The following RNF144A variants were observed in gnomAD, a reference collection of about 807,000 sequenced individuals.
RNF144A encodes the protein E3 ubiquitin-protein ligase RNF144A.
In RNF144A, 11 loss-of-function variants were observed where a neutral mutation model predicts 38.7. The ratio of observed to expected loss-of-function variants is 0.28; its 90% confidence interval spans 0.18 to 0.47. RNF144A has a LOEUF of 0.47. Among genes scored for constraint, RNF144A ranks in the 20% least tolerant of loss-of-function variants. The probability of loss-of-function intolerance (pLI) is 0.99; values close to 1 mark genes in which losing one functional copy is unlikely to be tolerated. For missense variants in RNF144A, 316 were observed against 377.2 expected, an observed-to-expected ratio of 0.84 and a Z score of 1.34; for synonymous variants, 149 against 143.9, an observed-to-expected ratio of 1.04 and a Z score of -0.25.
rs1671723480 is a variant in RNF144A at position 7,024,243 on chromosome 2, G to GT, written c.510-120dup. On this transcript the variant is annotated intron_variant, in intron 6 of 8. Coordinates refer to ENST00000320892, the MANE Select transcript of RNF144A (RefSeq NM_014746.6). The stretch of plus-strand genomic sequence containing the variant: ...TTCTTTGTTTTTTGGTTTTTGTTTT[G>GT]TTTTTTCATTTAATACCAAGAAAAC... 4.7e-6 allele frequency: 4 copies of GT among 849,408 alleles called. No homozygotes were observed. In the East Asian group the frequency reaches 8.8e-5, roughly 19 times the overall value. 52.6% of individuals were successfully genotyped at this position (849,408 alleles called of 1,614,324 possible).
At chr2:6,977,017 C>G (rs1224132670) in intron 2 of RNF144A, among the ~76,000 whole-genome samples, 2 of 152,006 alleles carry the variant, frequency 1.3e-5, no homozygotes, top group Non-Finnish European at 2.9e-5. Context: ...GATGAAATTC[C>G]CAGAAATTGG....
chr2:7,072,826 C>T (rs1392848245), downstream of RNF144A, among the ~76,000 whole-genome samples: 2 of 152,178 alleles, frequency 1.3e-5, no homozygotes, highest in African/African-American at 2.4e-5. Context: ...TCTAGAAAAT[C>T]TAGAAAATCA....
intron 2 of RNF144A, among the ~76,000 whole-genome samples, chr2:6,952,663 T>A (rs935389184): frequency 6.6e-6 from 1 of 151,160 alleles, no homozygotes; most frequent in African/African-American, 2.4e-5. Flanking sequence ...AGAAAAAATT[T>A]AAAAATGAGC....
chr2:7,047,622 A>G (rs1035644930), downstream of RNF144A, among the ~76,000 whole-genome samples: 4 of 152,144 alleles, frequency 2.6e-5, no homozygotes, highest in African/African-American at 9.7e-5. Context: ...ATTCAAGTTG[A>G]GATTTTGGTG....
chr2:7,028,093 AG>A (rs1672042628), intron 7 of RNF144A, among the ~76,000 whole-genome samples: 1 of 152,140 alleles, frequency 6.6e-6, no homozygotes, highest in African/African-American at 2.4e-5. Flanking sequence ...TGCATGGCTA[AG>A]GGTGTAAAGT....
chr2:6,986,868 AAAG>A (rs1207479741), intron 2 of RNF144A, among the ~76,000 whole-genome samples: 2 of 152,126 alleles, frequency 1.3e-5, no homozygotes, highest in Non-Finnish European at 2.9e-5. Context: ...TTATCTCTAA[AAAG>A]AAGGAGGGAT....
At chr2:7,012,723 G>A (rs1040697280) in intron 3 of RNF144A, among the ~76,000 whole-genome samples, 1 of 152,194 alleles carries the variant, frequency 6.6e-6, no homozygotes, top group Non-Finnish European at 1.5e-5. Flanking sequence ...CCTCTCCCTT[G>A]TTCTGAAAGA....
chr2:7,053,306 A>G (rs564402253), intron 6 of RNF144A, among the ~76,000 whole-genome samples: 1 of 152,366 alleles, frequency 6.6e-6, no homozygotes, highest in East Asian at 1.9e-4. Flanking sequence ...ACCAGGATGC[A>G]CATTATATTA....
chr2:6,957,704 C>T (rs1168685272), intron 2 of RNF144A, among the ~76,000 whole-genome samples: 1 of 152,226 alleles, frequency 6.6e-6, no homozygotes, highest in African/African-American at 2.4e-5. Context: ...ACTTTATGAG[C>T]CCTCTGGTTC....
chr2:7,016,104 TAAAA>T (rs35418947), intron 5 of RNF144A, among the ~76,000 whole-genome samples: 1 of 115,136 alleles, frequency 8.7e-6, no homozygotes. Context: ...ACCCCGTCTC[TAAAA>T]AAAAAAAAAA....
Position 7,010,388 on chromosome 2 carries a change from G to C in RNF144A, c.136-4066G>C, listed in dbSNP as rs559422983. Among the ~76,000 whole-genome samples the C allele has an allele frequency of 2.0e-5, 3 of 152,164 alleles. No individual in the cohort carries two copies. The East Asian group carries it at 5.8e-4, about 29-fold the overall frequency. ...GCTGCTTCAATTTGGACCTGCCTGC[G>C]TGTAATGTTTGTGTTAATAAATCGT... On this transcript the variant is annotated intron_variant, in intron 3 of 8. Coordinates refer to ENST00000320892, the MANE Select transcript of RNF144A (RefSeq NM_014746.6).
rs75851055 is a variant in RNF144A at position 6,988,464 on chromosome 2, T to C, written c.-11-8452T>C. On this transcript the variant is annotated intron_variant, in intron 2 of 8. Transcript: ENST00000320892. Reference sequence around the variant, plus strand: ...ACTGAAGACTTTGACAGTTTTTGGTTAGGAATTTTATAGAATATTCTTGAA... The same window carrying C: ...ACTGAAGACTTTGACAGTTTTTGGTCAGGAATTTTATAGAATATTCTTGAA... Among the ~76,000 whole-genome samples the C allele has an allele frequency of 2.5e-3, 388 of 152,334 alleles. 1 individual carries two copies. The highest frequency in any genetic ancestry group is 8.9e-3 in the African/African-American group (370 of 41,572).
intron 6 of RNF144A, among the ~76,000 whole-genome samples, chr2:7,054,142 G>GC (rs1673635461): frequency 2.0e-5 from 3 of 151,324 alleles, no homozygotes; most frequent in African/African-American, 7.3e-5. Context: ...TGTGGGAGTG[G>GC]CCAGCTCAAG....
At chr2:7,053,317 G>C (rs1436729865) in intron 6 of RNF144A, among the ~76,000 whole-genome samples, 3 of 152,186 alleles carry the variant, frequency 2.0e-5, no homozygotes, top group Non-Finnish European at 2.9e-5. Flanking sequence ...CATTATATTA[G>C]TTGTTTATTA....
chr2:6,963,152 G>A (rs1168514921), intron 2 of RNF144A, among the ~76,000 whole-genome samples: 1 of 152,094 alleles, frequency 6.6e-6, no homozygotes, highest in Non-Finnish European at 1.5e-5. Flanking sequence ...GAACAGACAG[G>A]AACATAGGTA....
intron 1 of RNF144A, among the ~76,000 whole-genome samples, chr2:6,922,920 G>A (rs1050143328): frequency 1.1e-4 from 17 of 152,072 alleles, no homozygotes; most frequent in African/African-American, 3.6e-4. Flanking sequence ...CACCGCGCCC[G>A]GCCTCCTGCT....
intron 3 of RNF144A, among the ~76,000 whole-genome samples, chr2:7,010,388 G>A (rs559422983): frequency 7.2e-5 from 11 of 152,282 alleles, no homozygotes; most frequent in Admixed American, 3.9e-4. Flanking sequence ...ACCTGCCTGC[G>A]TGTAATGTTT....
At chr2:6,936,340 CAT>C (rs1209373360) in intron 1 of RNF144A, among the ~76,000 whole-genome samples, 8 of 152,196 alleles carry the variant, frequency 5.3e-5, no homozygotes, top group Middle Eastern at 3.2e-3. Context: ...TATGTACACA[CAT>C]GTGCACACAT....
intron 6 of RNF144A, among the ~76,000 whole-genome samples, chr2:7,063,819 G>A (rs1049728900): frequency 3.9e-5 from 6 of 152,220 alleles, no homozygotes; most frequent in South Asian, 2.1e-4. Flanking sequence ...TAAGGAGATC[G>A]TTAGTGGTGT....
Sources: gnomAD v4.1 joint callset for allele counts (sites outside exome capture counted in the v4.1 genomes callset) on GRCh38, gnomAD v4.1.1 for gene constraint, MANE v1.5 for transcripts, NCBI Gene and HGNC (gene_info 2026-07-23, HGNC 2026-07-21) for gene names.